SPIRE1: variants seen among roughly 807,000 people sequenced by gnomAD.
SPIRE1 encodes spire type actin nucleation factor 1.
A neutral mutation model predicts 94.1 loss-of-function variants in SPIRE1; 40 were observed. The ratio of observed to expected loss-of-function variants is 0.43; its 90% confidence interval spans 0.33 to 0.55. The LOEUF is 0.55. Ranked by LOEUF, SPIRE1 falls within the 20% of genes least tolerant of loss-of-function variation. SPIRE1 has a pLI of 0.06. For synonymous variants in SPIRE1, 376 were observed against 371.7 expected (o/e 1.01, Z -0.13); for missense variants, 838 against 975.2 (o/e 0.86, Z 1.87).
intron 2 of SPIRE1, among the ~76,000 whole-genome samples, chr18:12,571,299 T>G (rs2035954778): frequency 6.6e-6 from 1 of 152,140 alleles, no homozygotes; most frequent in African/African-American, 2.4e-5. Flanking sequence ...GGTCTCAAAC[T>G]CTTGACCTCA....
Position 12,464,950 on chromosome 18 carries a change from C to T in SPIRE1, c.1413G>A (p.Thr471=), listed in dbSNP as rs539501205. 12 of 1,613,960 alleles carry T rather than the reference C, an allele frequency of 7.4e-6. No individual in the cohort carries two copies. The highest frequency in any genetic ancestry group is 5.3e-5 in the African/African-American group (4 of 75,020). ...TGCTGCTGCTGGTCGACTTGTGCAG[C>T]GTTTCTTCCTGAGCAAAGTACAGGT... ...ELDSSESEEE[T]LHKSTSSSSV... The change falls in exon 11 of 17, where the codon ACG becomes ACA. Residue 471 remains threonine (T), a synonymous_variant. Transcript: ENST00000409402.
At chr18:12,507,181 G>A (rs150296982) in intron 5 of SPIRE1, among the ~76,000 whole-genome samples, 81 of 152,326 alleles carry the variant, frequency 5.3e-4, no homozygotes, top group African/African-American at 1.9e-3. Flanking sequence ...GGAGACCCAT[G>A]AGTTAGTAAG....
chr18:12,476,301 G>T (rs994390049), intron 10 of SPIRE1, among the ~76,000 whole-genome samples: 1 of 151,962 alleles, frequency 6.6e-6, no homozygotes, highest in Non-Finnish European at 1.5e-5. Context: ...CTCTTTGGGA[G>T]GCTGAGGCAG....
intron 6 of SPIRE1, among the ~76,000 whole-genome samples, chr18:12,498,637 C>CT (rs1053419888): frequency 1.3e-5 from 2 of 152,040 alleles, no homozygotes; most frequent in Admixed American, 6.6e-5. Context: ...AAATAATTTT[C>CT]TTTTTTTGCG....
chr18:12,500,425 G>T (rs996800556), intron 6 of SPIRE1, among the ~76,000 whole-genome samples: 1 of 152,292 alleles, frequency 6.6e-6, no homozygotes, highest in Middle Eastern at 3.4e-3. Flanking sequence ...ATATCACACT[G>T]TTAGGGGAGT....
chr18:12,503,973 A>G (rs1811125423), intron 6 of SPIRE1, among the ~76,000 whole-genome samples: 2 of 147,166 alleles, frequency 1.4e-5, no homozygotes, highest in Non-Finnish European at 3.0e-5. Flanking sequence ...CAACTAGGGA[A>G]TATGTACATA....
At chr18:12,501,072 C>CAAAAAAA (rs67894900) in intron 6 of SPIRE1, among the ~76,000 whole-genome samples, 5 of 80,262 alleles carry the variant, frequency 6.2e-5, no homozygotes, top group African/African-American at 9.8e-5. Flanking sequence ...AACTCTGTCT[C>CAAAAAAA]AAAAAAAAAA....
At chr18:12,646,026 C>T (rs778436701) in intron 1 of SPIRE1, among the ~76,000 whole-genome samples, 6 of 152,174 alleles carry the variant, frequency 3.9e-5, no homozygotes, top group African/African-American at 4.8e-5. Flanking sequence ...GGGCTGCTTA[C>T]GAATTCGGCA....
chr18:12,552,073 G>A (rs1489813192), intron 2 of SPIRE1, among the ~76,000 whole-genome samples: 4 of 152,264 alleles, frequency 2.6e-5, no homozygotes, highest in African/African-American at 9.6e-5. Context: ...CCCACTCACA[G>A]AAGGAACATT....
At chr18:12,451,671 G>C (rs192744706) in intron 16 of SPIRE1, among the ~76,000 whole-genome samples, 38 of 152,332 alleles carry the variant, frequency 2.5e-4, no homozygotes, top group Middle Eastern at 3.4e-3. Context: ...TCAAAGCCCA[G>C]CCTCTCGGCC....
intron 12 of SPIRE1, among the ~76,000 whole-genome samples, chr18:12,461,490 G>T (rs1428629534): frequency 8.2e-5 from 11 of 133,416 alleles, no homozygotes; most frequent in African/African-American, 3.7e-4. Context: ...ACATATGTGT[G>T]TATGCACGTA....
intron 2 of SPIRE1, among the ~76,000 whole-genome samples, chr18:12,627,793 T>A (rs1420958168): frequency 6.6e-6 from 1 of 152,260 alleles, no homozygotes; most frequent in Non-Finnish European, 1.5e-5. Context: ...TGATTTGCAT[T>A]TCTCTGATGA....
intron 1 of SPIRE1, among the ~76,000 whole-genome samples, chr18:12,655,948 G>A (rs1055535370): frequency 1.3e-5 from 2 of 152,078 alleles, no homozygotes; most frequent in Non-Finnish European, 2.9e-5. Context: ...ACCCAGGCTG[G>A]AGTGCAGTGG....
intron 8 of SPIRE1, among the ~76,000 whole-genome samples, chr18:12,488,249 T>C (rs113169646): frequency 6.6e-6 from 1 of 152,356 alleles, no homozygotes; most frequent in African/African-American, 2.4e-5. Context: ...TTTTTCCTTG[T>C]AATTTTTTTG....
intron 2 of SPIRE1, among the ~76,000 whole-genome samples, chr18:12,626,889 T>A (rs58905034): frequency 0.12 from 11,948 of 100,804 alleles, 842 homozygotes; most frequent in African/African-American, 0.26. Context: ...TATATATATT[T>A]TTTTTTTTTT....
intron 6 of SPIRE1, among the ~76,000 whole-genome samples, chr18:12,505,301 T>C (rs1024358881): frequency 1.3e-5 from 2 of 152,080 alleles, no homozygotes; most frequent in Admixed American, 6.6e-5. Flanking sequence ...TCCCAGCACT[T>C]TGGGAGGCGG....
chr18:12,542,806 T>G (rs1034484824), intron 3 of SPIRE1, among the ~76,000 whole-genome samples: 1 of 152,166 alleles, frequency 6.6e-6, no homozygotes, highest in Non-Finnish European at 1.5e-5. Flanking sequence ...GCTGTTAATA[T>G]TCATTTAGAT....
intron 4 of SPIRE1, among the ~76,000 whole-genome samples, chr18:12,533,146 GAGA>G (rs942946632): frequency 6.6e-6 from 1 of 152,170 alleles, no homozygotes; most frequent in African/African-American, 2.4e-5. Flanking sequence ...AGAAACAGAG[GAGA>G]AGGAGATATG....
At chr18:12,513,054 C>G (rs2034086776) in intron 4 of SPIRE1, among the ~76,000 whole-genome samples, 1 of 152,158 alleles carries the variant, frequency 6.6e-6, no homozygotes, top group South Asian at 2.1e-4. Context: ...CATTATACCT[C>G]TAACAGCTCT....
Sources: gnomAD v4.1 joint callset for allele counts (sites outside exome capture counted in the v4.1 genomes callset) on GRCh38, gnomAD v4.1.1 for gene constraint, MANE v1.5 for transcripts, NCBI Gene and HGNC (gene_info 2026-07-23, HGNC 2026-07-21) for gene names.